TRAIP: variants seen among roughly 807,000 people sequenced by gnomAD.
The protein encoded by TRAIP is TRAF interacting protein, also known as E3 ubiquitin-protein ligase TRAIP.
Under a neutral mutation model 65.0 loss-of-function variants are expected in TRAIP, and 37 were observed. The ratio of observed to expected loss-of-function variants is 0.57; its 90% CI spans 0.44 to 0.75. The LOEUF (loss-of-function observed/expected upper bound fraction) is 0.75. Ranked by LOEUF, TRAIP falls within the 30% of genes least tolerant of loss-of-function variation. TRAIP has a pLI of 0.00. For synonymous variants in TRAIP, 187 were observed against 219.1 expected, an observed-to-expected ratio of 0.85 and a Z score of 1.29; for missense variants, 481 against 579.4, an observed-to-expected ratio of 0.83 and a Z score of 1.74.
At chr3:49,829,867 A>G in intron 12 of TRAIP, 101 bp from the exon 13 acceptor site, 1 of 1,556,240 alleles carries the variant, frequency 6.4e-7, no homozygotes, top group Non-Finnish European at 8.8e-7. Context: ...ATGCCTCACT[A>G]GGAGGCAGGA....
At chr3:49,841,380 C>T in intron 7 of TRAIP, among the ~76,000 whole-genome samples, 1 of 152,224 alleles carries the variant, frequency 6.6e-6, no homozygotes, top group Non-Finnish European at 1.5e-5. Flanking sequence ...ACCCTCTATG[C>T]CTCTCAGCTA....
chr3:49,834,901 A>C (rs2081767365), intron 10 of TRAIP, among the ~76,000 whole-genome samples: 1 of 152,262 alleles, frequency 6.6e-6, no homozygotes, highest in African/African-American at 2.4e-5. Flanking sequence ...GAATGCTTGC[A>C]AATTTAAAAC....
rs1037453616 is a variant in TRAIP, at chr3:49,841,164, C to T, written c.618-92G>A. 16 of 1,043,386 alleles carry T rather than the reference C, an allele frequency of 1.5e-5. No homozygotes were observed. The East Asian group carries it at 3.8e-4, about 25-fold the overall frequency. The allele number at this position is 1,043,386 out of a possible 1,614,324, so 64.6% of individuals were successfully genotyped here. ...TAATCTAACACAAAGCACTGCCCAA[C>T]CCCTCAACTCACTCTCATTCCTACT... is the stretch of plus-strand genomic sequence containing the variant. On this transcript the variant is annotated intron_variant, in intron 7 of 14. Transcript: ENST00000331456.
At chr3:49,832,613 A>G (rs539450487) in intron 10 of TRAIP, among the ~76,000 whole-genome samples, 1 of 149,604 alleles carries the variant, frequency 6.7e-6, no homozygotes, top group Non-Finnish European at 1.5e-5. Flanking sequence ...AAGGAGAAGG[A>G]AATATTCCAC....
At chr3:49,832,381 T>G (rs2081741746) in intron 10 of TRAIP, among the ~76,000 whole-genome samples, 1 of 151,124 alleles carries the variant, frequency 6.6e-6, no homozygotes, top group African/African-American at 2.4e-5. Context: ...TCCCAGCTAC[T>G]CGGGAGGCTG....
chr3:49,829,646 T>A lies in TRAIP; in HGVS notation c.1207A>T (p.Arg403Trp). 1 of 1,614,198 alleles carries A rather than the reference T, an allele frequency of 6.2e-7. No individual in the cohort carries two copies. Among genetic ancestry groups the A allele is most frequent in the South Asian group, 1.1e-5 (1 of 91,086 alleles). The change falls in exon 13 of 15, where the codon AGG becomes TGG. Residue 403 changes from arginine to tryptophan, a missense_variant. By Grantham distance (101) the Arg-to-Trp change is moderately radical. Transcript: ENST00000331456. ...ILGQKQPKRP[R>W]SESSCSKDVV... ...TCTTTGCTGCAAGAGGACTCTGACC[T>A]GGGCCTCTTGGGCTGTTTCTGGCCT...
chr3:49,852,161 G>GAT (rs2081938049), intron 1 of TRAIP, among the ~76,000 whole-genome samples: 2 of 149,960 alleles, frequency 1.3e-5, no homozygotes, highest in African/African-American at 4.9e-5. Context: ...GAGGTCAGGA[G>GAT]TTCAAGACCA....
chr3:49,844,172 C>T (rs1476442544), intron 4 of TRAIP, among the ~76,000 whole-genome samples: 1 of 152,070 alleles, frequency 6.6e-6, no homozygotes, highest in African/African-American at 2.4e-5. Context: ...ATTTTACTGC[C>T]CATTCCCTAC....
intron 1 of TRAIP, among the ~76,000 whole-genome samples, chr3:49,851,799 C>T (rs1227275754): frequency 6.6e-6 from 1 of 151,534 alleles, no homozygotes; most frequent in African/African-American, 2.4e-5. Context: ...TGAGTTCAAG[C>T]GATTCTCCTG....
At chr3:49,844,923 T>A (rs899551035) in intron 3 of TRAIP, among the ~76,000 whole-genome samples, 2 of 152,230 alleles carry the variant, frequency 1.3e-5, no homozygotes, top group East Asian at 3.8e-4. Flanking sequence ...CATCGCTCTA[T>A]GTTGGTCTCA....
Position 49,848,192 on chromosome 3 carries a change from T to C in TRAIP, c.107A>G (p.Gln36Arg), listed in dbSNP as rs1297285031. 4 of 1,614,188 alleles carry C rather than the reference T, an allele frequency of 2.5e-6. No individual in the cohort carries two copies. The highest frequency in any genetic ancestry group is 1.7e-5 in the Admixed American group (1 of 60,028). ...CCGACTTGGTGCTGTCTCAAACCAC[T>C]GAATTAGGCTGGAATGAAAAGCAGA... is the stretch of plus-strand genomic sequence containing the variant. ...GHTFHLQCLI[Q>R]WFETAPSRTC... The change falls in exon 2 of 15, where the codon CAG (glutamine) becomes CGG (arginine). Residue 36 changes from glutamine to arginine, a missense_variant. Transcript: ENST00000331456.
chr3:49,838,436 G>A (rs146037846), intron 10 of TRAIP, among the ~76,000 whole-genome samples: 109 of 152,306 alleles, frequency 7.2e-4, no homozygotes, highest in Middle Eastern at 6.8e-3. Flanking sequence ...GTATATAGCT[G>A]GTTGGCTGTG....
chr3:49,848,270 TC>T (rs2081902635), intron 1 of TRAIP, 70 bp from the exon 2 acceptor site: 1 of 1,544,956 alleles, frequency 6.5e-7, no homozygotes, highest in Non-Finnish European at 8.9e-7. Context: ...AGGCAAACAT[TC>T]TGACCACGAA....
In TRAIP at chr3:49,832,084, A is replaced by C. The variant is rs969498173; in HGVS notation, c.885-16T>G. 1.2e-5 allele frequency: 19 copies of C among 1,564,938 alleles called. No individual in the cohort carries two copies. The highest frequency in any genetic ancestry group is 1.0e-5 in the Non-Finnish European group (12 of 1,154,770). On this transcript the variant is annotated splice_polypyrimidine_tract_variant and intron_variant, in intron 10 of 14. Transcript: ENST00000331456. ...AGGGGCTGGGCTGAAGGCAGAGATGACCTGGTTACTTGGGGCCACAGTGGT... is the reference window on the plus strand; with the variant it reads ...AGGGGCTGGGCTGAAGGCAGAGATGCCCTGGTTACTTGGGGCCACAGTGGT...
At chr3:49,830,862 T>A (rs2081725608) in intron 11 of TRAIP, among the ~76,000 whole-genome samples, 1 of 152,148 alleles carries the variant, frequency 6.6e-6, no homozygotes, top group African/African-American at 2.4e-5. Flanking sequence ...TAAGGCTACA[T>A]GACAACCAAG....
In TRAIP at chr3:49,839,920, T is replaced by C; in HGVS notation, c.796-60A>G. 9 of 1,523,974 alleles carry C rather than the reference T, an allele frequency of 5.9e-6. No individual in the cohort carries two copies. In the South Asian group the frequency reaches 1.0e-4, roughly 17 times the overall value. 94.4% of individuals were successfully genotyped at this position (1,523,974 alleles called of 1,614,324 possible). The stretch of plus-strand genomic sequence containing the variant: ...GCTGAGGCATCAAGTCCGGAGATAA[T>C]GCAGAGGACATGAGCAGCATGCATG... On this transcript the variant is annotated intron_variant, in intron 9 of 14. Transcript: ENST00000331456.
intron 1 of TRAIP, among the ~76,000 whole-genome samples, chr3:49,851,141 C>A (rs1202406429): frequency 6.6e-6 from 1 of 151,842 alleles, no homozygotes; most frequent in Non-Finnish European, 1.5e-5. Flanking sequence ...CTATGCTCGG[C>A]TAATTTTCTG....
intron 1 of TRAIP, among the ~76,000 whole-genome samples, chr3:49,855,347 C>G (rs1199622300): frequency 6.6e-6 from 1 of 152,048 alleles, no homozygotes; most frequent in African/African-American, 2.4e-5. Flanking sequence ...ACTTGGGAGG[C>G]TGAGGAAGGA....
chr3:49,840,307 G>A lies in TRAIP; in HGVS notation c.772C>T (p.Gln258Ter), dbSNP rs1335911273. Residue 258 changes from glutamine to a stop codon, truncating the protein, a stop_gained, in exon 9 of 15, where the codon CAG becomes TAG. Transcript: ENST00000331456. LOFTEE classifies it high-confidence loss of function. ...LELKSAQKDLQSADKEIMSLK... is the reference protein window; with the variant it reads ...LELKSAQKDL ...ACCATGATTTCCTTGTCAGCACTCTGTAAGTCCTTCTGGGCTGACTTCAGT... is the reference window on the plus strand; with the variant it reads ...ACCATGATTTCCTTGTCAGCACTCTATAAGTCCTTCTGGGCTGACTTCAGT... 6.2e-7 allele frequency: 1 copy of A among 1,614,142 alleles called. No individual in the cohort carries two copies. Among genetic ancestry groups the A allele is most frequent in the East Asian group, 2.2e-5 (1 of 44,880 alleles).
Sources: gnomAD v4.1 joint callset for allele counts (sites outside exome capture counted in the v4.1 genomes callset) on GRCh38, gnomAD v4.1.1 for gene constraint, MANE v1.5 for transcripts, NCBI Gene and HGNC (gene_info 2026-07-23, HGNC 2026-07-21) for gene names.